Variants in PLCG1 observed in about 807,000 individuals in gnomAD.
PLCG1 encodes 1-phosphatidylinositol 4,5-bisphosphate phosphodiesterase gamma-1.
A neutral mutation model predicts 177.8 loss-of-function variants in PLCG1; 71 were observed. The observed-to-expected ratio is 0.40, with a 90% CI of 0.33 to 0.49. The LOEUF is 0.49. Among genes scored for constraint, PLCG1 ranks in the 20% least tolerant of loss-of-function variants. PLCG1 has a pLI of 0.72. For synonymous variants in PLCG1, 658 were observed against 647.9 expected (o/e 1.02, Z -0.24); for missense variants, 1,281 against 1,709.0 (o/e 0.75, Z 4.42).
chr20:41,173,365 G>A lies in PLCG1; in HGVS notation c.3280-55G>A. 6.7e-7 allele frequency: 1 copy of A among 1,482,034 alleles called. No homozygotes were observed. 91.8% of individuals were successfully genotyped at this position (1,482,034 alleles called of 1,614,324 possible). On this transcript the variant is annotated intron_variant, in intron 27 of 31. Coordinates refer to ENST00000685551, the MANE Select transcript of PLCG1 (RefSeq NM_002660.3). The surrounding 1 kb of genome is among the most constrained non-coding windows in gnomAD (Gnocchi z 6.2). ...AGATGCTGACTGAGCCTCCGCAGTG[G>A]GGAATTGGAGGGAGCAGGAAGGACA...
In PLCG1 at chr20:41,173,352, A is replaced by AGC; in HGVS notation, c.3280-67_3280-66dup. ...GCCTCCACTCCACAGATGCTGACTG[A>AGC]GCCTCCGCAGTGGGGAATTGGAGGG... On this transcript the variant is annotated intron_variant, in intron 27 of 31. Coordinates refer to ENST00000685551, the MANE Select transcript of PLCG1 (RefSeq NM_002660.3). This position sits in a 1 kb window ranked among gnomAD's most constrained non-coding sequence, Gnocchi z 6.2. 2.1e-6 allele frequency: 3 copies of AGC among 1,450,828 alleles called. No individual in the cohort carries two copies. The highest frequency in any genetic ancestry group is 2.8e-6 in the Non-Finnish European group (3 of 1,087,860). 89.9% of individuals were successfully genotyped at this position (1,450,828 alleles called of 1,614,324 possible). A position where few individuals can be genotyped will look rare whatever the true frequency, so the allele number is the denominator to read the frequency against.
In PLCG1 at chr20:41,163,831, C is replaced by T; in HGVS notation, c.1008C>T (p.Asn336=). 1.9e-6 allele frequency: 3 copies of T among 1,612,176 alleles called. No homozygotes were observed. The highest frequency in any genetic ancestry group is 2.5e-6 in the Non-Finnish European group (3 of 1,178,188). Residue 336 remains asparagine (N), a splice_region_variant and synonymous_variant, in exon 10 of 32, where the codon AAC becomes AAT. Transcript: ENST00000685551. This position sits in a 1 kb window ranked among gnomAD's most constrained non-coding sequence, Gnocchi z 5.2. ...ACTACTGGATCTCCTCCTCGCACAACACGTGAGTGTGGCTCCTTCAGGCCC... is the reference window on the plus strand; with the variant it reads ...ACTACTGGATCTCCTCCTCGCACAATACGTGAGTGTGGCTCCTTCAGGCCC... ...LSHYWISSSH[N]TYLTGDQFSS...
chr20:41,142,825 A>ATGGAGTGTGGCACAGTG (rs1227015269), intron 1 of PLCG1, among the ~76,000 whole-genome samples: 67 of 152,214 alleles, frequency 4.4e-4, no homozygotes, highest in Admixed American at 2.1e-3. Flanking sequence ...AGTGCTTAGC[A>ATGGAGTGTGGCACAGTG]TGGAGTGTGG....
chr20:41,162,635 C>G lies in PLCG1; in HGVS notation c.598-7C>G. 6.2e-7 allele frequency: 1 copy of G among 1,611,984 alleles called. No homozygotes were observed. Among genetic ancestry groups the G allele is most frequent in the Non-Finnish European group, 8.5e-7 (1 of 1,178,154 alleles). ...CCTGACTGGCACTCCTGCTCTATAC[C>G]ATGCAGGACCTGGAGCAGCGCAGCG... On this transcript the variant is annotated splice_polypyrimidine_tract_variant and splice_region_variant and intron_variant, in intron 5 of 31. Transcript: ENST00000685551.
In PLCG1 at chr20:41,160,249, C is replaced by G; in HGVS notation, c.512+96C>G. On this transcript the variant is annotated intron_variant, in intron 4 of 31. Transcript: ENST00000685551. The surrounding 1 kb of genome is among the most constrained non-coding windows in gnomAD (Gnocchi z 5.5). The stretch of plus-strand genomic sequence containing the variant: ...AGTAGCTGCCCGGAGAGCCAGAGGA[C>G]CCAGGGGACCTTAAGTGGGGCCAGG... 1.8e-6 allele frequency: 2 copies of G among 1,120,764 alleles called. No homozygotes were observed. Among genetic ancestry groups the G allele is most frequent in the Non-Finnish European group, 2.7e-6 (2 of 741,926 alleles). 69.4% of individuals were successfully genotyped at this position (1,120,764 alleles called of 1,614,324 possible).
Position 41,157,929 on chromosome 20 carries a change from TA to T in PLCG1, c.218-1676del, listed in dbSNP as rs2035373709. Among the ~76,000 whole-genome samples the T allele has an allele frequency of 6.6e-6, 1 of 152,042 alleles. No individual in the cohort carries two copies. Among genetic ancestry groups the T allele is most frequent in the Non-Finnish European group, 1.5e-5 (1 of 68,002 alleles). On this transcript the variant is annotated intron_variant, in intron 1 of 31. Transcript: ENST00000685551. The surrounding 1 kb of genome is among the most constrained non-coding windows in gnomAD (Gnocchi z 5.4). Reference sequence around the variant, plus strand: ...CCTCGGGAGGGGCTTGAATGAGGTCTAGGGGGGTCAGAATAATGTTTTATGA... The same window carrying T: ...CCTCGGGAGGGGCTTGAATGAGGTCTGGGGGGTCAGAATAATGTTTTATGA...
chr20:41,176,058 T>C lies in PLCG1; in HGVS notation c.*1549T>C, dbSNP rs1367776366. 3 of 152,202 alleles carry C rather than the reference T, an allele frequency of 2.0e-5. No individual in the cohort carries two copies. The highest frequency in any genetic ancestry group is 4.4e-5 in the Non-Finnish European group (3 of 68,038). The allele number at this position is 152,202 out of a possible 1,614,324, so 9.4% of individuals were successfully genotyped here. Reference sequence around the variant, plus strand: ...TTTCAAAAATGTTGCATTCAGTTCGTTAACACTGCCAGGTGCCATTCTGAT... The same window carrying C: ...TTTCAAAAATGTTGCATTCAGTTCGCTAACACTGCCAGGTGCCATTCTGAT... On this transcript the variant is annotated 3_prime_UTR_variant, in exon 32 of 32. Coordinates refer to ENST00000685551, the MANE Select transcript of PLCG1 (RefSeq NM_002660.3).
At position 41,177,055 on chromosome 20, in the gene PLCG1, T is replaced by C. The variant is rs1236725085; in HGVS notation, c.*2546T>C. ...GGTGATTTAAATGAGTAACAAGGGTTGAAAAACCCTGATTTTGGCAGCACA... is the reference window on the plus strand; with the variant it reads ...GGTGATTTAAATGAGTAACAAGGGTCGAAAAACCCTGATTTTGGCAGCACA... On this transcript the variant is annotated 3_prime_UTR_variant, in exon 32 of 32. Transcript: ENST00000685551. 1.3e-5 allele frequency: 2 copies of C among 152,174 alleles called. No individual in the cohort carries two copies. The highest frequency in any genetic ancestry group is 4.8e-5 in the African/African-American group (2 of 41,444). The allele number at this position is 152,174 out of a possible 1,614,324, so 9.4% of individuals were successfully genotyped here.
In PLCG1 at chr20:41,164,319, T is replaced by G; in HGVS notation, c.1217+118T>G. On this transcript the variant is annotated intron_variant, in intron 12 of 31. Transcript: ENST00000685551. This position sits in a 1 kb window ranked among gnomAD's most constrained non-coding sequence, Gnocchi z 6.4. Reference sequence around the variant, plus strand: ...GTCCCCTCTCCCTCAGCCTTTCATCTTTGTCCTTCCTCTTGGCCTCTCCTC... The same window carrying G: ...GTCCCCTCTCCCTCAGCCTTTCATCGTTGTCCTTCCTCTTGGCCTCTCCTC... The G allele has an allele frequency of 9.5e-7, 1 of 1,054,102 alleles. No homozygotes were observed. The highest frequency in any genetic ancestry group is 1.4e-5 in the South Asian group (1 of 69,078). 65.3% of individuals were successfully genotyped at this position (1,054,102 alleles called of 1,614,324 possible). A position where few individuals can be genotyped will look rare whatever the true frequency, so the allele number is the denominator to read the frequency against.
intron 1 of PLCG1, 182 bp downstream of exon 1, chr20:41,138,040 G>A: frequency 2.5e-6 from 1 of 399,080 alleles, no homozygotes; most frequent in East Asian, 3.6e-5. Context: ...GGGGCATCCG[G>A]GTCCTCGGTC....
chr20:41,159,949 C>T lies in PLCG1; in HGVS notation c.450C>T (p.Pro150=), dbSNP rs762675623. 4 of 1,613,730 alleles carry T rather than the reference C, an allele frequency of 2.5e-6. No homozygotes were observed. The highest frequency in any genetic ancestry group is 3.4e-6 in the Non-Finnish European group (4 of 1,179,788). The change falls in exon 3 of 32, where the codon CCC becomes CCT. Residue 150 remains proline (P), a synonymous_variant. Transcript: ENST00000685551. The surrounding 1 kb of genome is among the most constrained non-coding windows in gnomAD (Gnocchi z 6.0). ...LMEDTLQAPT[P]LQIERWLRKQ... ...AGGATACATTGCAGGCACCCACACC[C>T]CTGCAGATTGAGAGGTAAGAACCAC...
chr20:41,140,439 T>A (rs1309866526), intron 1 of PLCG1, among the ~76,000 whole-genome samples: 1 of 152,198 alleles, frequency 6.6e-6, no homozygotes, highest in Non-Finnish European at 1.5e-5. Context: ...GTATCTGGCC[T>A]TTCCTGCTGA....
rs939283597 is a variant in PLCG1, at chr20:41,160,983, T to A, written c.512+830T>A. Among the ~76,000 whole-genome samples, 1 of 152,096 alleles carries A rather than the reference T, an allele frequency of 6.6e-6. No individual in the cohort carries two copies. Among genetic ancestry groups the A allele is most frequent in the Non-Finnish European group, 1.5e-5 (1 of 68,010 alleles). ...CCTATTAGCTGTCCAGGGAGAGATGTTGAGTAGGCAGGTGGTTAGAGTGAG... is the reference window on the plus strand; with the variant it reads ...CCTATTAGCTGTCCAGGGAGAGATGATGAGTAGGCAGGTGGTTAGAGTGAG... On this transcript the variant is annotated intron_variant, in intron 4 of 31. Coordinates refer to ENST00000685551, the MANE Select transcript of PLCG1 (RefSeq NM_002660.3). The surrounding 1 kb of genome is among the most constrained non-coding windows in gnomAD (Gnocchi z 5.5).
At position 41,173,776 on chromosome 20, in the gene PLCG1, G is replaced by C; in HGVS notation, c.3519G>C (p.Leu1173=). 6.2e-7 allele frequency: 1 copy of C among 1,614,164 alleles called. No homozygotes were observed. The highest frequency in any genetic ancestry group is 8.5e-7 in the Non-Finnish European group (1 of 1,180,014). The part of the protein sequence containing the change: ...EEDMFSDQNF[L]AQATFPVKGL... ...ACATGTTTAGTGACCAGAATTTCCT[G>C]GCTCAGGCTACTTTCCCAGTAAAAG... Residue 1173 remains leucine (L), a synonymous_variant, in exon 29 of 32, where the codon CTG becomes CTC. Coordinates refer to ENST00000685551, the MANE Select transcript of PLCG1 (RefSeq NM_002660.3). This position sits in a 1 kb window ranked among gnomAD's most constrained non-coding sequence, Gnocchi z 6.2.
rs1480980668 is a variant in PLCG1, at chr20:41,137,931, C to G, written c.217+73C>G. On this transcript the variant is annotated intron_variant, in intron 1 of 31. Transcript: ENST00000685551. This position sits in a 1 kb window ranked among gnomAD's most constrained non-coding sequence, Gnocchi z 7.3. ...GGGAGCCCGGCCCGACTGCTTGCAC[C>G]CCGGCCGGCCGCCCCAGCGACTTGG... 2 of 1,054,384 alleles carry G rather than the reference C, an allele frequency of 1.9e-6. No individual in the cohort carries two copies. Among genetic ancestry groups the G allele is most frequent in the Non-Finnish European group, 2.5e-6 (2 of 815,152 alleles). The allele number at this position is 1,054,384 out of a possible 1,614,324, so 65.3% of individuals were successfully genotyped here. A position where few individuals can be genotyped will look rare whatever the true frequency, so the allele number is the denominator to read the frequency against.
Position 41,165,111 on chromosome 20 carries a change from C to G in PLCG1, c.1386+10C>G. On this transcript the variant is annotated intron_variant, in intron 13 of 31. Coordinates refer to ENST00000685551, the MANE Select transcript of PLCG1 (RefSeq NM_002660.3). This position sits in a 1 kb window ranked among gnomAD's most constrained non-coding sequence, Gnocchi z 6.6. The stretch of plus-strand genomic sequence containing the variant: ...GAAGATCCTCATCAAGGTGGGGTGG[C>G]GGGCTTATTGCGGAAGCCCCACACT... 1 of 1,609,546 alleles carries G rather than the reference C, an allele frequency of 6.2e-7. No homozygotes were observed. Among genetic ancestry groups the G allele is most frequent in the South Asian group, 1.1e-5 (1 of 90,596 alleles).
In PLCG1 at chr20:41,174,500, C is replaced by T. The variant is rs1202988725; in HGVS notation, c.3867C>T (p.Asn1289=). The T allele has an allele frequency of 1.3e-6, 2 of 1,586,852 alleles. No homozygotes were observed. The highest frequency in any genetic ancestry group is 1.8e-5 in the Admixed American group (1 of 56,530). The change falls in exon 32 of 32, where the codon AAC becomes AAT. Residue 1289 remains asparagine (N), a synonymous_variant. Transcript: ENST00000685551. This position sits in a 1 kb window ranked among gnomAD's most constrained non-coding sequence, Gnocchi z 5.8. ...GAAGGACTCGGGTCAATGGAGACAACCGCCTCTAGTTGTACCCCAGCCTCG... is the reference window on the plus strand; with the variant it reads ...GAAGGACTCGGGTCAATGGAGACAATCGCCTCTAGTTGTACCCCAGCCTCG... ...APRRTRVNGD[N]RL
Position 41,163,098 on chromosome 20 carries a change from G to A in PLCG1, c.717-105G>A. The A allele has an allele frequency of 6.7e-7, 1 of 1,496,132 alleles. No homozygotes were observed. 92.7% of individuals were successfully genotyped at this position (1,496,132 alleles called of 1,614,324 possible). A position where few individuals can be genotyped will look rare whatever the true frequency, so the allele number is the denominator to read the frequency against. Reference sequence around the variant, plus strand: ...GGCAGTGGGAGTAGGGAACCATGCTGGACCATTCTGGGAAGCTGTGCTGGC... The same window carrying A: ...GGCAGTGGGAGTAGGGAACCATGCTAGACCATTCTGGGAAGCTGTGCTGGC... On this transcript the variant is annotated intron_variant, in intron 7 of 31. Coordinates refer to ENST00000685551, the MANE Select transcript of PLCG1 (RefSeq NM_002660.3). This position sits in a 1 kb window ranked among gnomAD's most constrained non-coding sequence, Gnocchi z 5.2.
chr20:41,140,952 C>G (rs2034804839), intron 1 of PLCG1, among the ~76,000 whole-genome samples: 1 of 152,158 alleles, frequency 6.6e-6, no homozygotes, highest in African/African-American at 2.4e-5. Context: ...AACCCCAAGC[C>G]CATGTTCCCT....
Sources: allele counts gnomAD v4.1 joint callset (sites outside exome capture counted in the v4.1 genomes callset), GRCh38; gene constraint gnomAD v4.1.1; non-coding constraint Gnocchi (gnomAD v3.1); transcripts MANE v1.5; gene names NCBI Gene and HGNC (gene_info 2026-07-23, HGNC 2026-07-21).